ASAP1: variants seen among roughly 807,000 people sequenced by gnomAD.
ASAP1 encodes ArfGAP with SH3 domain, ankyrin repeat and PH domain 1.
A neutral mutation model predicts 145.2 loss-of-function variants in ASAP1; 43 were observed. That is an observed-to-expected ratio of 0.30 (90% CI 0.23 to 0.38). The LOEUF is 0.38. Among genes scored for constraint, ASAP1 ranks in the 10% least tolerant of loss-of-function variants. ASAP1 has a pLI of 1.00. For synonymous variants in ASAP1, 546 were observed against 515.5 expected (o/e 1.06, Z -0.80); for missense variants, 1,018 against 1,355.3 (o/e 0.75, Z 3.91).
At chr8:130,303,675 C>T (rs1422344480) in intron 3 of ASAP1, among the ~76,000 whole-genome samples, 2 of 152,102 alleles carry the variant, frequency 1.3e-5, no homozygotes, top group African/African-American at 4.8e-5. Flanking sequence ...GAAAAGGCTA[C>T]ATACTTTACT....
intron 12 of ASAP1, among the ~76,000 whole-genome samples, chr8:130,158,499 G>A (rs1156627148): frequency 6.6e-6 from 1 of 152,170 alleles, no homozygotes; most frequent in Non-Finnish European, 1.5e-5. Flanking sequence ...CTGGAAGACA[G>A]AGCAAGGTCC....
chr8:130,065,607 T>C (rs1057134360), intron 27 of ASAP1, among the ~76,000 whole-genome samples: 2 of 152,198 alleles, frequency 1.3e-5, no homozygotes, highest in African/African-American at 4.8e-5. Context: ...TGTGGACGGA[T>C]ACCAATACAT....
intron 16 of ASAP1, 66 bp from the exon 17 acceptor site, chr8:130,126,155 A>G (rs1564989410): frequency 6.8e-7 from 1 of 1,463,988 alleles, no homozygotes; most frequent in Non-Finnish European, 9.3e-7. Context: ...CCAACTACAG[A>G]GGAAGCTAAA....
At chr8:130,269,263 T>C (rs1264666696) in intron 3 of ASAP1, among the ~76,000 whole-genome samples, 2 of 152,180 alleles carry the variant, frequency 1.3e-5, no homozygotes, top group African/African-American at 4.8e-5. Context: ...AATTTGAAAG[T>C]AAAATCCGAG....
intron 12 of ASAP1, among the ~76,000 whole-genome samples, chr8:130,158,094 G>T (rs746864954): frequency 2.6e-5 from 4 of 152,044 alleles, no homozygotes; most frequent in Non-Finnish European, 5.9e-5. Context: ...CAGAAATTTA[G>T]AAGAGAAATA....
In ASAP1 at chr8:130,112,316, G is replaced by C; in HGVS notation, c.2179C>G (p.Pro727Ala). Residue 727 changes from proline to alanine, a missense_variant, in exon 24 of 30, where the codon CCT becomes GCT. By Grantham distance (27) the Pro-to-Ala change is conservative (BLOSUM62 -1). Coordinates refer to ENST00000518721, the MANE Select transcript of ASAP1 (RefSeq NM_018482.4). ...CTGGGTGAGCGCTCTTTCTTGATAG[G>C]GCTTGGCTGGCAGATGAAATAAGAA... ...SDDDLDDKPS[P>A]IKKERSPRPQ... is the part of the protein sequence containing the mutation. 6.2e-7 allele frequency: 1 copy of C among 1,613,514 alleles called. No homozygotes were observed. Among genetic ancestry groups the C allele is most frequent in the South Asian group, 1.1e-5 (1 of 91,054 alleles).
chr8:130,118,454 T>C, intron 19 of ASAP1, 35 bp downstream of exon 19: 2 of 1,573,570 alleles, frequency 1.3e-6, no homozygotes, highest in South Asian at 1.2e-5. Context: ...ATTTTCCACA[T>C]TACTTTTTAT....
At chr8:130,442,241 A>C (rs1830510221) in intron 1 of ASAP1, among the ~76,000 whole-genome samples, 2 of 152,226 alleles carry the variant, frequency 1.3e-5, no homozygotes, top group African/African-American at 4.8e-5. Context: ...CTAACAGATC[A>C]AAATCTAACA....
intron 5 of ASAP1, among the ~76,000 whole-genome samples, chr8:130,212,481 G>A (rs1452646160): frequency 6.6e-6 from 1 of 152,184 alleles, no homozygotes; most frequent in African/African-American, 2.4e-5. Flanking sequence ...TTGTAGAAGA[G>A]CAAAGGCAAC....
At chr8:130,395,065 A>G (rs1405543614) in intron 2 of ASAP1, among the ~76,000 whole-genome samples, 1 of 152,224 alleles carries the variant, frequency 6.6e-6, no homozygotes. Context: ...AGCATTTCCC[A>G]TCAACCAGGG....
At chr8:130,167,428 G>A in intron 11 of ASAP1, 108 bp downstream of exon 11, 2 of 895,368 alleles carry the variant, frequency 2.2e-6, no homozygotes, top group Non-Finnish European at 3.8e-6. Context: ...GTACATACTT[G>A]CATATTATAT....
chr8:130,360,137 G>A (rs1257874705), intron 2 of ASAP1, among the ~76,000 whole-genome samples: 1 of 152,214 alleles, frequency 6.6e-6, no homozygotes, highest in Non-Finnish European at 1.5e-5. Flanking sequence ...CTCTCATGAA[G>A]CTTACCTTCT....
intron 25 of ASAP1, among the ~76,000 whole-genome samples, chr8:130,080,601 A>G (rs1190337293): frequency 2.0e-5 from 3 of 151,652 alleles, no homozygotes; most frequent in African/African-American, 7.3e-5. Flanking sequence ...CAGCATCCCA[A>G]GTAGCTGGGA....
intron 3 of ASAP1, among the ~76,000 whole-genome samples, chr8:130,319,519 G>C (rs193237371): frequency 1.3e-5 from 2 of 152,266 alleles, no homozygotes; most frequent in Admixed American, 1.3e-4. Context: ...AACAGAGCAA[G>C]TATTTACAAA....
At chr8:130,291,286 C>T (rs1252962887) in intron 3 of ASAP1, among the ~76,000 whole-genome samples, 1 of 152,208 alleles carries the variant, frequency 6.6e-6, no homozygotes, top group African/African-American at 2.4e-5. Flanking sequence ...GAAATAGACA[C>T]TTGCTAAAGT....
intron 5 of ASAP1, chr8:130,208,875 A>G (rs1816398194): frequency 6.6e-6 from 1 of 152,190 alleles, no homozygotes; most frequent in African/African-American, 2.4e-5. Flanking sequence ...CATGAAATCT[A>G]GCAAATTCAA....
At chr8:130,190,129 T>A (rs1815038548) in intron 5 of ASAP1, among the ~76,000 whole-genome samples, 1 of 152,238 alleles carries the variant, frequency 6.6e-6, no homozygotes. Context: ...TCCTTTGTGG[T>A]GCAGAAGCTT....
chr8:130,353,454 T>A (rs1826119242), intron 3 of ASAP1, among the ~76,000 whole-genome samples: 1 of 152,234 alleles, frequency 6.6e-6, no homozygotes, highest in Admixed American at 6.5e-5. Flanking sequence ...GCACCTTTTT[T>A]AATCAGACCA....
chr8:130,420,235 T>TACACACACACAC (rs34138357), intron 1 of ASAP1, among the ~76,000 whole-genome samples: 16 of 139,420 alleles, frequency 1.1e-4, no homozygotes, highest in African/African-American at 4.4e-4. Flanking sequence ...CATAATGAAA[T>TACACACACACAC]ACACACACAC....
Sources: gnomAD v4.1 joint callset for allele counts (sites outside exome capture counted in the v4.1 genomes callset) on GRCh38, gnomAD v4.1.1 for gene constraint, MANE v1.5 for transcripts, NCBI Gene and HGNC (gene_info 2026-07-23, HGNC 2026-07-21) for gene names.